DPP10: variants seen among roughly 807,000 people sequenced by gnomAD.
DPP10 encodes the protein dipeptidyl peptidase like 10.
DPP10 carries 33 observed loss-of-function variants against 120.9 expected under a neutral mutation model. The ratio of observed to expected loss-of-function variants is 0.27; its 90% CI spans 0.21 to 0.37. DPP10 has a LOEUF of 0.37. Among genes scored for constraint, DPP10 ranks in the 10% least tolerant of loss-of-function variants. The probability of loss-of-function intolerance (pLI) is 1.00; values close to 1 mark genes in which losing one functional copy is unlikely to be tolerated. For synonymous variants in DPP10, 337 were observed against 326.1 expected (o/e 1.03, Z -0.36); for missense variants, 816 against 942.8 (o/e 0.87, Z 1.76).
chr2:115,245,407 T>C (rs938429756), intron 1 of DPP10, among the ~76,000 whole-genome samples: 3 of 151,692 alleles, frequency 2.0e-5, no homozygotes, highest in Admixed American at 6.6e-5. Flanking sequence ...ATCAGAGAAA[T>C]GCGAATTAAA....
chr2:114,550,605 T>C (rs761093771), intron 1 of DPP10, among the ~76,000 whole-genome samples: 1 of 152,206 alleles, frequency 6.6e-6, no homozygotes, highest in Non-Finnish European at 1.5e-5. Context: ...GTTTCCTCAC[T>C]TTGAAGCAAC....
chr2:115,179,177 A>G (rs538430178), intron 1 of DPP10, among the ~76,000 whole-genome samples: 2 of 152,308 alleles, frequency 1.3e-5, no homozygotes, highest in Admixed American at 6.5e-5. Flanking sequence ...CTGAAACACA[A>G]TTCTATACCT....
intron 8 of DPP10, among the ~76,000 whole-genome samples, chr2:115,732,575 A>T (rs977500848): frequency 8.5e-5 from 13 of 152,218 alleles, no homozygotes; most frequent in Non-Finnish European, 1.3e-4. Flanking sequence ...TTAACCTAGC[A>T]ATGTAATTAA....
chr2:114,577,036 TATATG>T (rs1690110245), intron 1 of DPP10, among the ~76,000 whole-genome samples: 1 of 151,856 alleles, frequency 6.6e-6, no homozygotes, highest in African/African-American at 2.4e-5. Flanking sequence ...TGGAGAAAAA[TATATG>T]GTATGTTATC....
intron 1 of DPP10, among the ~76,000 whole-genome samples, chr2:115,129,561 A>G (rs2050237630): frequency 6.6e-6 from 1 of 152,202 alleles, no homozygotes; most frequent in South Asian, 2.1e-4. Flanking sequence ...ATGCTTAATG[A>G]ATATATCACT....
At position 114,946,945 on chromosome 2, in the gene DPP10, T is replaced by G. The variant is rs1326649495; in HGVS notation, c.61-362294T>G. Among the ~76,000 whole-genome samples the G allele has an allele frequency of 2.0e-5, 3 of 152,268 alleles. No homozygotes were observed. In the South Asian group the frequency reaches 6.2e-4, roughly 32 times the overall value. ...TTTTATTTCTGGGAAGAATGTTAAA[T>G]GTACATTAAATTTCATAAACATATC... On this transcript the variant is annotated intron_variant, in intron 1 of 25. Coordinates refer to ENST00000410059, the MANE Select transcript of DPP10 (RefSeq NM_020868.6).
chr2:114,616,317 G>T (rs979691537), intron 1 of DPP10, among the ~76,000 whole-genome samples: 3 of 152,076 alleles, frequency 2.0e-5, no homozygotes, highest in Non-Finnish European at 4.4e-5. Flanking sequence ...GGAATACGTT[G>T]GGCCAATGAG....
chr2:115,836,029 G>C, intron 21 of DPP10, 128 bp from the exon 22 acceptor site: 1 of 455,656 alleles, frequency 2.2e-6, no homozygotes. Flanking sequence ...ATGATGTACA[G>C]TACCAAACAT....
intron 5 of DPP10, among the ~76,000 whole-genome samples, chr2:115,532,922 T>C (rs772285693): frequency 1.1e-4 from 17 of 152,092 alleles, no homozygotes; most frequent in Admixed American, 2.6e-4. Flanking sequence ...GAATTATTGG[T>C]CCATTGGAAT....
chr2:115,266,811 G>C (rs555361234), intron 1 of DPP10, among the ~76,000 whole-genome samples: 1 of 152,144 alleles, frequency 6.6e-6, no homozygotes, highest in African/African-American at 2.4e-5. Flanking sequence ...TATAATTGCT[G>C]TATAGTGAAA....
At chr2:114,951,880 C>T (rs1327053057) in intron 1 of DPP10, among the ~76,000 whole-genome samples, 1 of 151,916 alleles carries the variant, frequency 6.6e-6, no homozygotes, top group Non-Finnish European at 1.5e-5. Flanking sequence ...TTTTCTTTCC[C>T]CTAATACACT....
chr2:114,753,723 C>T (rs866191345), intron 1 of DPP10, among the ~76,000 whole-genome samples: 7 of 151,834 alleles, frequency 4.6e-5, no homozygotes, highest in Admixed American at 6.6e-5. Flanking sequence ...TCCTGGCTAA[C>T]ACGGTGAAAC....
At chr2:115,391,884 A>G (rs1218903049) in intron 3 of DPP10, among the ~76,000 whole-genome samples, 1 of 152,094 alleles carries the variant, frequency 6.6e-6, no homozygotes, top group Non-Finnish European at 1.5e-5. Flanking sequence ...TGCTCAGTGT[A>G]AGTAGATCTT....
intron 1 of DPP10, among the ~76,000 whole-genome samples, chr2:114,585,812 T>C (rs1265371132): frequency 1.3e-5 from 2 of 152,108 alleles, no homozygotes; most frequent in African/African-American, 4.8e-5. Context: ...TTGGACGGAG[T>C]ATGACACCAA....
intron 5 of DPP10, among the ~76,000 whole-genome samples, chr2:115,678,570 T>C (rs994698757): frequency 3.9e-5 from 6 of 152,068 alleles, no homozygotes; most frequent in African/African-American, 1.2e-4. Context: ...AGGGGTGCAG[T>C]CCTCATGGAG....
Position 114,911,537 on chromosome 2 carries a change from A to G in DPP10, c.61-397702A>G, listed in dbSNP as rs529006178. 5.3e-5 allele frequency among the ~76,000 whole-genome samples: 8 copies of G among 152,318 alleles called. No homozygotes were observed. The South Asian group carries it at 1.2e-3, about 24-fold the overall frequency. On this transcript the variant is annotated intron_variant, in intron 1 of 25. Coordinates refer to ENST00000410059, the MANE Select transcript of DPP10 (RefSeq NM_020868.6). Reference sequence around the variant, plus strand: ...GCTGGGTATCATCATGGAGAATAGAAAAATACAGGTATCTACTTTGGATAC... The same window carrying G: ...GCTGGGTATCATCATGGAGAATAGAGAAATACAGGTATCTACTTTGGATAC...
chr2:115,017,514 A>G (rs974478686), intron 1 of DPP10, among the ~76,000 whole-genome samples: 13 of 152,198 alleles, frequency 8.5e-5, no homozygotes, highest in Non-Finnish European at 1.6e-4. Flanking sequence ...TATATACCCA[A>G]AGGATTATAA....
chr2:115,024,211 T>G (rs139764587), intron 1 of DPP10, among the ~76,000 whole-genome samples: 1 of 152,280 alleles, frequency 6.6e-6, no homozygotes, highest in Non-Finnish European at 1.5e-5. Context: ...TATTTATATT[T>G]CAGGTGGGTT....
chr2:114,676,798 C>G (rs1181469233), intron 1 of DPP10, among the ~76,000 whole-genome samples: 2 of 151,948 alleles, frequency 1.3e-5, no homozygotes, highest in Non-Finnish European at 2.9e-5. Flanking sequence ...TATTCTTTCC[C>G]GCAAGACTAG....
Sources: allele counts gnomAD v4.1 joint callset (sites outside exome capture counted in the v4.1 genomes callset), GRCh38; gene constraint gnomAD v4.1.1; transcripts MANE v1.5; gene names NCBI Gene and HGNC (gene_info 2026-07-23, HGNC 2026-07-21).